The following VSX2 variants were observed in gnomAD, a reference collection of about 807,000 sequenced individuals.
VSX2 encodes visual system homeobox 2.
A neutral mutation model predicts 32.1 loss-of-function variants in VSX2; 28 were observed. The observed-to-expected ratio is 0.87, with a 90% CI of 0.65 to 1.20. The LOEUF (loss-of-function observed/expected upper bound fraction) is 1.20, where lower values mean the gene tolerates loss of function less well. Ranked by LOEUF, VSX2 falls within the 50% of genes most tolerant of loss-of-function variation. VSX2 has a pLI of 0.00. For missense variants in VSX2, 506 were observed against 488.7 expected, an observed-to-expected ratio of 1.04 and a Z score of -0.33; for synonymous variants, 243 against 214.1, an observed-to-expected ratio of 1.14 and a Z score of -1.18.
rs201411456 is a variant in VSX2 at position 74,254,420 on chromosome 14, T to TA, written c.580-5173dup. On this transcript the variant is annotated intron_variant, in intron 3 of 4. Transcript: ENST00000261980. ...ACAGAGCGAGACTCTGTCTCAAATTTAAAAAAAAAGAAAGAAAAAGAAAAG... is the reference window on the plus strand; with the variant it reads ...ACAGAGCGAGACTCTGTCTCAAATTTAAAAAAAAAAGAAAGAAAAAGAAAAG... 1.7e-3 allele frequency among the ~76,000 whole-genome samples: 250 copies of TA among 149,390 alleles called. 1 individual carries two copies. Among genetic ancestry groups the TA allele is most frequent in the African/African-American group, 5.6e-3 (230 of 40,720 alleles).
chr14:74,245,353 G>T (rs934735687), intron 3 of VSX2, 65 bp downstream of exon 3: 9 of 1,604,572 alleles, frequency 5.6e-6, no homozygotes, highest in African/African-American at 1.3e-5. Context: ...CCACTCCAGG[G>T]TTCCAGATGC....
At chr14:74,254,438 AAG>A (rs2079249394) in intron 3 of VSX2, among the ~76,000 whole-genome samples, 1 of 151,222 alleles carries the variant, frequency 6.6e-6, no homozygotes, top group Admixed American at 6.6e-5. Flanking sequence ...AAGAAAGAAA[AAG>A]AAAAGAAATG....
rs2079307747 is a variant in VSX2, at chr14:74,261,510, C to T, written c.*591C>T. 6.5e-6 allele frequency: 1 copy of T among 153,280 alleles called. No homozygotes were observed. Among genetic ancestry groups the T allele is most frequent in the South Asian group, 2.1e-4 (1 of 4,860 alleles). 9.5% of individuals were successfully genotyped at this position (153,280 alleles called of 1,614,324 possible). ...AGGCAGGCCCAGCCTCTGCCCCACCCATCAGTGGAGTCCAGATGGCAGGCT... is the reference window on the plus strand; with the variant it reads ...AGGCAGGCCCAGCCTCTGCCCCACCTATCAGTGGAGTCCAGATGGCAGGCT... On this transcript the variant is annotated 3_prime_UTR_variant, in exon 5 of 5. Transcript: ENST00000261980.
chr14:74,256,954 A>G (rs12589555), intron 3 of VSX2, among the ~76,000 whole-genome samples: 88,300 of 151,836 alleles, frequency 0.58, 27,031 homozygotes, highest in East Asian at 0.93. Flanking sequence ...GATTACAGGC[A>G]TGAGCCACTG....
In VSX2 at chr14:74,259,622, A is replaced by G. The variant is rs536048201; in HGVS notation, c.600A>G (p.Arg200=). 5.6e-6 allele frequency: 9 copies of G among 1,614,050 alleles called. No individual in the cohort carries two copies. Among genetic ancestry groups the G allele is most frequent in the Non-Finnish European group, 5.9e-6 (7 of 1,180,024 alleles). The change falls in exon 4 of 5, where the codon CGA becomes CGG. Residue 200 remains arginine, a synonymous_variant. Transcript: ENST00000261980. ...DRIQVWFQNR[R]AKWRKREKCW... The stretch of plus-strand genomic sequence containing the variant: ...TGCAGGTCTGGTTCCAGAACCGTCG[A>G]GCCAAGTGGAGGAAGCGGGAGAAGT...
intron 3 of VSX2, 138 bp from the exon 4 acceptor site, chr14:74,259,464 A>AGAGG: frequency 1.1e-6 from 1 of 906,948 alleles, no homozygotes; most frequent in South Asian, 1.5e-5. Context: ...GGAGGAACAC[A>AGAGG]GAGGGCACCA....
rs1341128475 is a variant in VSX2 at position 74,262,640 on chromosome 14, GA to G, written c.*1724del. 6.6e-6 allele frequency: 1 copy of G among 152,204 alleles called. No homozygotes were observed. Among genetic ancestry groups the G allele is most frequent in the Non-Finnish European group, 1.5e-5 (1 of 68,038 alleles). 9.4% of individuals were successfully genotyped at this position (152,204 alleles called of 1,614,324 possible). On this transcript the variant is annotated 3_prime_UTR_variant, in exon 5 of 5. Coordinates refer to ENST00000261980, the MANE Select transcript of VSX2 (RefSeq NM_182894.3). Reference sequence around the variant, plus strand: ...AAAGAAACTTGATATTGAGGTGTTTGAAATATGGAACTGTAATAACTTCTAG... The same window carrying G: ...AAAGAAACTTGATATTGAGGTGTTTGAATATGGAACTGTAATAACTTCTAG...
chr14:74,242,029 A>G (rs1462416492), intron 2 of VSX2, among the ~76,000 whole-genome samples: 2 of 152,180 alleles, frequency 1.3e-5, no homozygotes, highest in African/African-American at 4.8e-5. Context: ...CGACAGGTAT[A>G]TCTTGAAAAG....
Position 74,241,273 on chromosome 14 carries a change from C to A in VSX2, c.455+7C>A. On this transcript the variant is annotated splice_region_variant and intron_variant, in intron 2 of 4. Transcript: ENST00000261980. ...GGAAGAAGCGGCGACACAGGTGAGGCCCCCGCTTTCTGTTACCTCTCCTGC... is the reference window on the plus strand; with the variant it reads ...GGAAGAAGCGGCGACACAGGTGAGGACCCCGCTTTCTGTTACCTCTCCTGC... 1 of 1,612,060 alleles carries A rather than the reference C, an allele frequency of 6.2e-7. No homozygotes were observed. Among genetic ancestry groups the A allele is most frequent in the Non-Finnish European group, 8.5e-7 (1 of 1,179,748 alleles).
intron 2 of VSX2, among the ~76,000 whole-genome samples, 184 bp from the exon 3 acceptor site, chr14:74,244,981 T>TGTGTGA (rs1429023991): frequency 2.7e-5 from 1 of 37,604 alleles, no homozygotes; most frequent in African/African-American, 8.5e-5. Flanking sequence ...TGTGTGTGTG[T>TGTGTGA]GAGAGAGAGA....
rs985821553 is a variant in VSX2 at position 74,261,476 on chromosome 14, T to TGCAGGCCCAG, written c.*568_*577dup. The TGCAGGCCCAG allele has an allele frequency of 6.4e-6, 1 of 155,080 alleles. No homozygotes were observed. Among genetic ancestry groups the TGCAGGCCCAG allele is most frequent in the Non-Finnish European group, 1.4e-5 (1 of 69,826 alleles). The allele number at this position is 155,080 out of a possible 1,614,324, so 9.6% of individuals were successfully genotyped here. On this transcript the variant is annotated 3_prime_UTR_variant, in exon 5 of 5. Transcript: ENST00000261980. ...GGGCTTCCACAGTGTGAAGACACTG[T>TGCAGGCCCAG]GCAGGCCCAGGCAGGCCCAGCCTCT...
chr14:74,245,728 C>T (rs142126878), intron 3 of VSX2, among the ~76,000 whole-genome samples: 2,549 of 152,154 alleles, frequency 0.017, 79 homozygotes, highest in Admixed American at 0.084. Flanking sequence ...GTCTGTTTCC[C>T]TCCCCTCTCC....
rs758614933 is a variant in VSX2, at chr14:74,241,278, G to T, written c.455+12G>T. 1.9e-6 allele frequency: 3 copies of T among 1,611,606 alleles called. No homozygotes were observed. The highest frequency in any genetic ancestry group is 8.5e-7 in the Non-Finnish European group (1 of 1,179,592). ...AAGCGGCGACACAGGTGAGGCCCCC[G>T]CTTTCTGTTACCTCTCCTGCCCGCG... is the stretch of plus-strand genomic sequence containing the variant. On this transcript the variant is annotated intron_variant, in intron 2 of 4. Coordinates refer to ENST00000261980, the MANE Select transcript of VSX2 (RefSeq NM_182894.3).
At chr14:74,255,130 A>C (rs2079255438) in intron 3 of VSX2, among the ~76,000 whole-genome samples, 1 of 152,104 alleles carries the variant, frequency 6.6e-6, no homozygotes, top group Non-Finnish European at 1.5e-5. Context: ...GACTGAGGGA[A>C]GTCAAGTAAC....
intron 3 of VSX2, among the ~76,000 whole-genome samples, chr14:74,257,015 C>T (rs1355322423): frequency 6.6e-6 from 1 of 152,020 alleles, no homozygotes; most frequent in African/African-American, 2.4e-5. Context: ...TTGGATTTTT[C>T]CTCTGTGGGA....
chr14:74,244,915 T>TGAGA (rs1426281346), intron 2 of VSX2, among the ~76,000 whole-genome samples: 9 of 53,178 alleles, frequency 1.7e-4, no homozygotes, highest in Admixed American at 5.1e-4. Flanking sequence ...TGTGTGTGTG[T>TGAGA]GTGTGTGTGT....
chr14:74,242,430 AC>A (rs781037534), intron 2 of VSX2, among the ~76,000 whole-genome samples: 1 of 152,020 alleles, frequency 6.6e-6, no homozygotes, highest in East Asian at 1.9e-4. Flanking sequence ...GTTGACCGCC[AC>A]CTTTTAAAAC....
At chr14:74,248,667 G>C (rs913178254) in intron 3 of VSX2, among the ~76,000 whole-genome samples, 1 of 151,512 alleles carries the variant, frequency 6.6e-6, no homozygotes, top group Non-Finnish European at 1.5e-5. Flanking sequence ...CTCTAGCCTG[G>C]GTGACAGAGT....
intron 2 of VSX2, among the ~76,000 whole-genome samples, chr14:74,244,919 TGTGTGTGTGTGAAA>T (rs1566884416): frequency 2.0e-3 from 83 of 40,984 alleles, no homozygotes; most frequent in Non-Finnish European, 3.7e-3. Flanking sequence ...TGTGTGTGTG[TGTGTGTGTGTGAAA>T]GAGAGAGAGA....
Sources: gnomAD v4.1 joint callset for allele counts (sites outside exome capture counted in the v4.1 genomes callset) on GRCh38, gnomAD v4.1.1 for gene constraint, MANE v1.5 for transcripts, NCBI Gene and HGNC (gene_info 2026-07-23, HGNC 2026-07-21) for gene names.